ITPK1: variants seen among roughly 807,000 people sequenced by gnomAD.
ITPK1 encodes the protein inositol 1,3,4-trisphosphate 5/6-kinase.
A neutral mutation model predicts 45.3 loss-of-function variants in ITPK1; 21 were observed. The observed-to-expected ratio is 0.46, with a 90% confidence interval of 0.33 to 0.67. The LOEUF is 0.67. ITPK1 is among the 30% of genes least tolerant of loss of function. The pLI is 0.02. For synonymous variants in ITPK1, 258 were observed against 253.6 expected, an observed-to-expected ratio of 1.02 and a Z score of -0.16; for missense variants, 474 against 573.5, an observed-to-expected ratio of 0.83 and a Z score of 1.77.
chr14:93,082,438 C>A (rs1891475136), intron 2 of ITPK1, among the ~76,000 whole-genome samples: 1 of 151,858 alleles, frequency 6.6e-6, no homozygotes, highest in Non-Finnish European at 1.5e-5. Flanking sequence ...AACATGGAAC[C>A]AGACCCCCCT....
chr14:92,940,293 C>A lies in ITPK1; in HGVS notation c.*1268G>T. 5.1e-6 allele frequency: 5 copies of A among 988,340 alleles called. No individual in the cohort carries two copies. The highest frequency in any genetic ancestry group is 6.0e-6 in the Non-Finnish European group (5 of 831,760). The allele number at this position is 988,340 out of a possible 1,614,324, so 61.2% of individuals were successfully genotyped here. On this transcript the variant is annotated 3_prime_UTR_variant, in exon 11 of 11. Transcript: ENST00000267615. ...AAAAACATACTTGTGGGGGCTGATGCCTCTCACCCAGCACCCCACATCTTC... is the reference window on the plus strand; with the variant it reads ...AAAAACATACTTGTGGGGGCTGATGACTCTCACCCAGCACCCCACATCTTC...
At chr14:93,044,155 G>A (rs752055090) in intron 3 of ITPK1, among the ~76,000 whole-genome samples, 24 of 152,290 alleles carry the variant, frequency 1.6e-4, no homozygotes, top group South Asian at 4.1e-4. Flanking sequence ...AAACTGAAGC[G>A]CCCATGGGGC....
At chr14:93,068,756 T>A (rs1890864570) in intron 3 of ITPK1, 1 of 152,114 alleles carries the variant, frequency 6.6e-6, no homozygotes, top group Non-Finnish European at 1.5e-5. Context: ...GTTGGTACCA[T>A]GTAAAAATAT....
At chr14:93,098,627 C>G (rs1239951704) in intron 2 of ITPK1, among the ~76,000 whole-genome samples, 1 of 152,160 alleles carries the variant, frequency 6.6e-6, no homozygotes, top group Non-Finnish European at 1.5e-5. Flanking sequence ...AGCCTTTGAG[C>G]TGAGGGCCCT....
At chr14:93,066,185 C>A (rs1332333951) in intron 3 of ITPK1, 1 of 452,702 alleles carries the variant, frequency 2.2e-6, no homozygotes, top group South Asian at 1.6e-5. Flanking sequence ...ATTCACTCAC[C>A]CAGTAGACAC....
chr14:92,948,368 T>C (rs1887783274), intron 9 of ITPK1, among the ~76,000 whole-genome samples: 1 of 152,248 alleles, frequency 6.6e-6, no homozygotes, highest in African/African-American at 2.4e-5. Flanking sequence ...TTTTATTTTA[T>C]TTAGAGACAA....
At chr14:92,952,091 C>A in intron 8 of ITPK1, 78 bp from the exon 9 acceptor site, 1 of 1,148,040 alleles carries the variant, frequency 8.7e-7, no homozygotes, top group Non-Finnish European at 1.3e-6. Flanking sequence ...CACCAGGGGG[C>A]AGCATCACCC....
chr14:93,051,960 C>T (rs974406091), intron 3 of ITPK1, among the ~76,000 whole-genome samples: 5 of 152,220 alleles, frequency 3.3e-5, no homozygotes, highest in Non-Finnish European at 5.9e-5. Context: ...GAAATTCCAG[C>T]ACATTCCACT....
At chr14:93,008,590 T>C (rs960739371) in intron 4 of ITPK1, among the ~76,000 whole-genome samples, 18 of 152,210 alleles carry the variant, frequency 1.2e-4, no homozygotes, top group Admixed American at 3.3e-4. Context: ...CATGCCTCAC[T>C]CTGTCCATCC....
intron 3 of ITPK1, among the ~76,000 whole-genome samples, chr14:93,037,590 C>T (rs1682698983): frequency 2.6e-5 from 4 of 152,180 alleles, no homozygotes. Context: ...AGGCCCAGGA[C>T]TCAAGAACTC....
At chr14:92,980,484 A>G (rs1158645736) in intron 5 of ITPK1, among the ~76,000 whole-genome samples, 1 of 152,112 alleles carries the variant, frequency 6.6e-6, no homozygotes, top group Non-Finnish European at 1.5e-5. Flanking sequence ...GACCATCTCT[A>G]TTCCTGGTGA....
chr14:92,960,045 G>C (rs1392978970), intron 7 of ITPK1, among the ~76,000 whole-genome samples: 1 of 152,248 alleles, frequency 6.6e-6, no homozygotes, highest in African/African-American at 2.4e-5. Context: ...TGCCGATCTG[G>C]TGGACAGTGT....
At chr14:93,046,604 C>T (rs1452607524) in intron 3 of ITPK1, among the ~76,000 whole-genome samples, 10 of 118,678 alleles carry the variant, frequency 8.4e-5, no homozygotes, top group Middle Eastern at 4.4e-3. Context: ...CGGGGGGGGG[C>T]GGCGGGGGGA....
chr14:92,987,726 G>C (rs57610666), intron 5 of ITPK1, among the ~76,000 whole-genome samples: 12,382 of 152,224 alleles, frequency 0.081, 1,180 homozygotes, highest in African/African-American at 0.22. Context: ...AAGGGGGAAC[G>C]CTACAGCTGA....
chr14:92,978,486 C>A (rs1386078979), intron 5 of ITPK1, among the ~76,000 whole-genome samples: 1 of 151,952 alleles, frequency 6.6e-6, no homozygotes, highest in African/African-American at 2.4e-5. Context: ...GGGGAAAATG[C>A]CTCCAGGGCA....
intron 2 of ITPK1, among the ~76,000 whole-genome samples, chr14:93,097,919 G>A (rs12431502): frequency 0.16 from 23,657 of 152,122 alleles, 2,182 homozygotes; most frequent in South Asian, 0.28. Context: ...TGAGGCAGGA[G>A]AATCACTTGA....
chr14:93,010,362 T>C (rs1181020714), intron 4 of ITPK1, among the ~76,000 whole-genome samples: 1 of 152,246 alleles, frequency 6.6e-6, no homozygotes, highest in African/African-American at 2.4e-5. Context: ...TTTGATTCAA[T>C]GCAGCTGTGA....
At chr14:93,023,043 G>A (rs1220951329) in intron 3 of ITPK1, among the ~76,000 whole-genome samples, 1 of 151,860 alleles carries the variant, frequency 6.6e-6, no homozygotes, top group Non-Finnish European at 1.5e-5. Flanking sequence ...TTGCTTGTTT[G>A]TTTGTTTGTT....
chr14:93,045,675 C>G lies in ITPK1; in HGVS notation c.121-28874G>C, dbSNP rs1240609658. 3.3e-5 allele frequency among the ~76,000 whole-genome samples: 5 copies of G among 152,094 alleles called. No homozygotes were observed. The East Asian group carries it at 9.6e-4, about 29-fold the overall frequency. ...CAGCGAAACCCTATCTAAGAAAATC[C>G]AATTAGAGACCTTGGCTTACATGCA... On this transcript the variant is annotated intron_variant, in intron 3 of 10. Coordinates refer to ENST00000267615, the MANE Select transcript of ITPK1 (RefSeq NM_014216.6).
Sources: gnomAD v4.1 joint callset for allele counts (sites outside exome capture counted in the v4.1 genomes callset) on GRCh38, gnomAD v4.1.1 for gene constraint, MANE v1.5 for transcripts, NCBI Gene and HGNC (gene_info 2026-07-23, HGNC 2026-07-21) for gene names.